The following CMKLR1 variants were observed in gnomAD, a reference collection of about 807,000 sequenced individuals.
CMKLR1 encodes the protein chemerin chemokine-like receptor 1, also known as chemerin-like receptor 1.
Under a neutral mutation model 8.2 loss-of-function variants are expected in CMKLR1, and 6 were observed. The observed-to-expected ratio is 0.73, with a 90% confidence interval of 0.40 to 1.44. CMKLR1 has a LOEUF of 1.44. Among genes scored for constraint, CMKLR1 ranks in the 40% most tolerant of loss-of-function variants. The pLI is 0.02. For synonymous variants in CMKLR1, 178 were observed against 181.2 expected, an observed-to-expected ratio of 0.98 and a Z score of 0.14; for missense variants, 429 against 478.0, an observed-to-expected ratio of 0.90 and a Z score of 0.96.
intron 2 of CMKLR1, among the ~76,000 whole-genome samples, chr12:108,315,429 A>G (rs904656251): frequency 6.6e-6 from 1 of 152,188 alleles, no homozygotes; most frequent in Non-Finnish European, 1.5e-5. Context: ...TGCCCCAGTC[A>G]GGACAATAAA....
At chr12:108,305,204 A>G (rs1891376652) in intron 2 of CMKLR1, among the ~76,000 whole-genome samples, 1 of 152,190 alleles carries the variant, frequency 6.6e-6, no homozygotes, top group African/African-American at 2.4e-5. Flanking sequence ...CAGAGCCTAG[A>G]ACTGTGCCTG....
intron 1 of CMKLR1, among the ~76,000 whole-genome samples, chr12:108,335,777 T>A (rs143559990): frequency 1.3e-5 from 2 of 152,218 alleles, no homozygotes; most frequent in Non-Finnish European, 2.9e-5. Flanking sequence ...TGAGATTTAG[T>A]GGCAGCCTGG....
chr12:108,310,092 G>A (rs933219524), intron 2 of CMKLR1, among the ~76,000 whole-genome samples: 3 of 152,006 alleles, frequency 2.0e-5, no homozygotes, highest in Non-Finnish European at 4.4e-5. Flanking sequence ...TGAAGCCTTT[G>A]CCAGGTGGAG....
At chr12:108,309,704 G>A (rs1891501064) in intron 2 of CMKLR1, among the ~76,000 whole-genome samples, 1 of 152,224 alleles carries the variant, frequency 6.6e-6, no homozygotes, top group Admixed American at 6.5e-5. Flanking sequence ...CAGGCTTCCA[G>A]CAAACTGGCC....
At chr12:108,297,849 C>A (rs901226986) in intron 2 of CMKLR1, among the ~76,000 whole-genome samples, 1 of 152,208 alleles carries the variant, frequency 6.6e-6, no homozygotes, top group South Asian at 2.1e-4. Flanking sequence ...CTTCTCTGAG[C>A]CACCTTCATA....
chr12:108,300,882 G>A (rs780770289), intron 2 of CMKLR1, among the ~76,000 whole-genome samples: 4 of 152,038 alleles, frequency 2.6e-5, no homozygotes, highest in Admixed American at 6.6e-5. Context: ...ATCCCATCTC[G>A]CCCAATCCTC....
intron 1 of CMKLR1, among the ~76,000 whole-genome samples, chr12:108,332,883 AGG>A (rs1892141481): frequency 1.3e-5 from 2 of 152,160 alleles, no homozygotes; most frequent in Non-Finnish European, 1.5e-5. Context: ...AGGAGGTGGG[AGG>A]ATTACTTAAG....
chr12:108,311,911 A>G (rs147959509), intron 2 of CMKLR1, among the ~76,000 whole-genome samples: 1 of 152,228 alleles, frequency 6.6e-6, no homozygotes, highest in Non-Finnish European at 1.5e-5. Context: ...TAAGGAGCCC[A>G]GTACCCCGAG....
intron 2 of CMKLR1, among the ~76,000 whole-genome samples, chr12:108,312,674 C>A (rs769100406): frequency 6.6e-6 from 1 of 152,218 alleles, no homozygotes; most frequent in Non-Finnish European, 1.5e-5. Context: ...GAGGAGAGAT[C>A]TGAATCTGCA....
intron 2 of CMKLR1, among the ~76,000 whole-genome samples, chr12:108,327,954 G>T (rs146395193): frequency 6.6e-6 from 1 of 152,296 alleles, no homozygotes; most frequent in Non-Finnish European, 1.5e-5. Flanking sequence ...CCTCCCGGGA[G>T]ACCTGTCAGA....
At position 108,290,226 on chromosome 12, in the gene CMKLR1, T is replaced by G. The variant is rs1259733941; in HGVS notation, c.*1615A>C. On this transcript the variant is annotated 3_prime_UTR_variant, in exon 4 of 4. Transcript: ENST00000550402. ...AAAATCAATATTTATGGCAAAAATC[T>G]CCAAACTTTTTAAGTCCTTCCCAAC... 1 of 152,216 alleles carries G rather than the reference T, an allele frequency of 6.6e-6. No homozygotes were observed. Among genetic ancestry groups the G allele is most frequent in the African/African-American group, 2.4e-5 (1 of 41,462 alleles). 9.4% of individuals were successfully genotyped at this position (152,216 alleles called of 1,614,324 possible).
At chr12:108,332,899 C>T (rs149463420) in intron 1 of CMKLR1, among the ~76,000 whole-genome samples, 64 of 152,164 alleles carry the variant, frequency 4.2e-4, no homozygotes, top group African/African-American at 1.5e-3. Context: ...ACTTAAGCCC[C>T]AGAGGTCGAG....
intron 2 of CMKLR1, among the ~76,000 whole-genome samples, chr12:108,314,874 T>G (rs1891676350): frequency 1.3e-5 from 2 of 151,620 alleles, no homozygotes; most frequent in Admixed American, 6.6e-5. Context: ...TACCATCATG[T>G]TCCATCATGC....
chr12:108,336,362 C>A (rs191142294), intron 1 of CMKLR1, among the ~76,000 whole-genome samples: 2 of 152,100 alleles, frequency 1.3e-5, no homozygotes, highest in African/African-American at 4.8e-5. Context: ...CTGGCTAATA[C>A]GGTGAAACCC....
At chr12:108,335,942 T>C (rs1593183155) in intron 1 of CMKLR1, among the ~76,000 whole-genome samples, 1 of 152,238 alleles carries the variant, frequency 6.6e-6, no homozygotes, top group Non-Finnish European at 1.5e-5. Flanking sequence ...TCTGACTTTC[T>C]GTGGTACTAT....
chr12:108,317,345 T>C (rs1482871364), intron 2 of CMKLR1, among the ~76,000 whole-genome samples: 4 of 152,212 alleles, frequency 2.6e-5, no homozygotes, highest in Non-Finnish European at 4.4e-5. Context: ...CTACAAACAT[T>C]TCACCAAGAG....
At chr12:108,300,178 T>G (rs1891231997) in intron 2 of CMKLR1, among the ~76,000 whole-genome samples, 1 of 152,238 alleles carries the variant, frequency 6.6e-6, no homozygotes, top group Non-Finnish European at 1.5e-5. Context: ...TTGAGCTTAC[T>G]CACAGCATGG....
intron 1 of CMKLR1, among the ~76,000 whole-genome samples, chr12:108,337,562 T>A (rs1427695362): frequency 1.3e-5 from 2 of 151,924 alleles, no homozygotes; most frequent in African/African-American, 2.4e-5. Context: ...GTAGGAGCCG[T>A]GATAAGGGAG....
chr12:108,295,798 C>T lies in CMKLR1; in HGVS notation c.-73-2134G>A, dbSNP rs536921957. ...ATCTGGGACTCAGGACTGAGTGCTT[C>T]GCACAGCATCTGCAGAGATGCAGCC... On this transcript the variant is annotated intron_variant, in intron 2 of 3. Transcript: ENST00000550402. 5.3e-5 allele frequency among the ~76,000 whole-genome samples: 8 copies of T among 152,328 alleles called. No homozygotes were observed. The South Asian group carries it at 6.2e-4, about 12-fold the overall frequency.
Sources: allele counts gnomAD v4.1 joint callset (sites outside exome capture counted in the v4.1 genomes callset), GRCh38; gene constraint gnomAD v4.1.1; transcripts MANE v1.5; gene names NCBI Gene and HGNC (gene_info 2026-07-23, HGNC 2026-07-21).